SLC12A8: variants seen among roughly 807,000 people sequenced by gnomAD.
SLC12A8 encodes cation-chloride cotransporter 9.
SLC12A8 carries 69 observed loss-of-function variants against 75.6 expected under a neutral mutation model. That is an observed-to-expected ratio of 0.91 (90% CI 0.75 to 1.11). The LOEUF (loss-of-function observed/expected upper bound fraction) is 1.11. SLC12A8 is among the 50% of genes most tolerant of loss of function. The pLI is 0.00. For missense variants in SLC12A8, 877 were observed against 896.7 expected, an observed-to-expected ratio of 0.98 and a Z score of 0.28; for synonymous variants, 365 against 372.8, an observed-to-expected ratio of 0.98 and a Z score of 0.24.
intron 5 of SLC12A8, among the ~76,000 whole-genome samples, chr3:125,137,107 C>A (rs1174637773): frequency 6.6e-6 from 1 of 152,164 alleles, no homozygotes; most frequent in African/African-American, 2.4e-5. Flanking sequence ...TCCACCCGCT[C>A]GGAGCTTAAT....
At chr3:125,110,356 T>C (rs1223781436) in intron 8 of SLC12A8, 21 bp from the exon 9 acceptor site, 1 of 1,606,804 alleles carries the variant, frequency 6.2e-7, no homozygotes, top group Admixed American at 1.7e-5. Flanking sequence ...AGCGGTTTCA[T>C]TCGCCAGTGC....
chr3:125,177,160 T>C (rs1934550941), intron 5 of SLC12A8, among the ~76,000 whole-genome samples: 1 of 151,628 alleles, frequency 6.6e-6, no homozygotes, highest in African/African-American at 2.4e-5. Context: ...AAAGGATGAG[T>C]TCATGTCCTT....
intron 2 of SLC12A8, among the ~76,000 whole-genome samples, chr3:125,198,723 G>A (rs1935055177): frequency 6.6e-6 from 1 of 152,056 alleles, no homozygotes; most frequent in Admixed American, 6.6e-5. Context: ...GAAGCTGGGG[G>A]ATGTTAGTGG....
intron 6 of SLC12A8, among the ~76,000 whole-genome samples, chr3:125,123,374 A>G (rs1043593438): frequency 1.4e-5 from 2 of 147,120 alleles, no homozygotes; most frequent in Admixed American, 6.8e-5. Flanking sequence ...ATCTCAGGAA[A>G]AAAAAAAAAA....
intron 8 of SLC12A8, among the ~76,000 whole-genome samples, chr3:125,111,993 T>A (rs1379914370): frequency 2.6e-5 from 4 of 152,266 alleles, no homozygotes; most frequent in Non-Finnish European, 1.5e-5. Flanking sequence ...GCTCTTTATC[T>A]TTACTTCATT....
chr3:125,093,048 C>T (rs1428214064), intron 10 of SLC12A8, among the ~76,000 whole-genome samples: 3 of 152,138 alleles, frequency 2.0e-5, no homozygotes, highest in African/African-American at 7.2e-5. Flanking sequence ...AATGTGTACA[C>T]ATTATTTAGC....
chr3:125,176,635 A>G (rs1934534423), intron 5 of SLC12A8, among the ~76,000 whole-genome samples: 1 of 152,212 alleles, frequency 6.6e-6, no homozygotes, highest in Non-Finnish European at 1.5e-5. Context: ...CAAGAAAAAA[A>G]CAAACAACCC....
In SLC12A8 at chr3:125,099,248, C is replaced by T. The variant is rs552434558; in HGVS notation, c.1706-7050G>A. On this transcript the variant is annotated intron_variant, in intron 10 of 13. Coordinates refer to ENST00000469902, the MANE Select transcript of SLC12A8 (RefSeq NM_024628.6). ...CACATAAGAATAAAAAGCTGACTAACGATATCAGCAGCCACACACCACGGG... is the reference window on the plus strand; with the variant it reads ...CACATAAGAATAAAAAGCTGACTAATGATATCAGCAGCCACACACCACGGG... Among the ~76,000 whole-genome samples, 6 of 152,308 alleles carry T rather than the reference C, an allele frequency of 3.9e-5. No individual in the cohort carries two copies. In the East Asian group the frequency reaches 9.6e-4, roughly 24 times the overall value.
intron 5 of SLC12A8, among the ~76,000 whole-genome samples, chr3:125,145,304 G>A (rs890414241): frequency 2.6e-5 from 4 of 152,174 alleles, no homozygotes; most frequent in African/African-American, 4.8e-5. Context: ...CAGGCACCAC[G>A]CTCTCTTATT....
intron 6 of SLC12A8, among the ~76,000 whole-genome samples, chr3:125,133,307 A>G (rs1458966025): frequency 6.6e-6 from 1 of 152,138 alleles, no homozygotes; most frequent in Non-Finnish European, 1.5e-5. Context: ...GCTTTGCTAT[A>G]TGAATATACC....
intron 13 of SLC12A8, among the ~76,000 whole-genome samples, chr3:125,085,602 G>T (rs1043146746): frequency 1.3e-5 from 2 of 152,180 alleles, no homozygotes; most frequent in African/African-American, 4.8e-5. Flanking sequence ...ATTTGAGACA[G>T]AGTCTCATTC....
intron 9 of SLC12A8, among the ~76,000 whole-genome samples, chr3:125,109,247 G>T (rs192566136): frequency 1.3e-5 from 2 of 152,112 alleles, no homozygotes; most frequent in East Asian, 1.9e-4. Context: ...CCCTCCCTTG[G>T]TGAGCTCAAC....
chr3:125,099,762 C>T (rs1938818124), intron 10 of SLC12A8, among the ~76,000 whole-genome samples: 1 of 152,086 alleles, frequency 6.6e-6, no homozygotes, highest in Non-Finnish European at 1.5e-5. Flanking sequence ...AACCCCATCT[C>T]TACTAAAAAT....
At chr3:125,164,678 G>T (rs1326432709) in intron 5 of SLC12A8, among the ~76,000 whole-genome samples, 3 of 152,252 alleles carry the variant, frequency 2.0e-5, no homozygotes, top group African/African-American at 7.2e-5. Context: ...ACTTGGCCTG[G>T]ATTGCCTTGG....
At chr3:125,138,733 T>G (rs1933554405) in intron 5 of SLC12A8, among the ~76,000 whole-genome samples, 1 of 151,982 alleles carries the variant, frequency 6.6e-6, no homozygotes, top group Admixed American at 6.6e-5. Flanking sequence ...AAGGGCTGAG[T>G]GCAGTGGCTC....
intron 6 of SLC12A8, among the ~76,000 whole-genome samples, chr3:125,129,538 C>G (rs964641380): frequency 6.6e-5 from 10 of 152,146 alleles, no homozygotes; most frequent in Non-Finnish European, 1.2e-4. Context: ...AGCCGCTCTT[C>G]CCAGGAAGCT....
At chr3:125,118,016 G>A (rs567844630) in intron 8 of SLC12A8, among the ~76,000 whole-genome samples, 12 of 152,356 alleles carry the variant, frequency 7.9e-5, no homozygotes, top group Admixed American at 5.9e-4. Context: ...CTGGGCTTCC[G>A]CCCGCTCCCT....
intron 5 of SLC12A8, among the ~76,000 whole-genome samples, chr3:125,173,474 A>C (rs904611546): frequency 1.3e-5 from 2 of 150,990 alleles, no homozygotes; most frequent in Non-Finnish European, 3.0e-5. Flanking sequence ...AAAAAAAAAA[A>C]ACCAAAATAA....
At chr3:125,100,982 C>T (rs896059178) in intron 10 of SLC12A8, among the ~76,000 whole-genome samples, 5 of 135,636 alleles carry the variant, frequency 3.7e-5, no homozygotes, top group African/African-American at 1.1e-4. Flanking sequence ...CACTGCAGTC[C>T]GCAGTCCGGC....
Sources: gnomAD v4.1 joint callset for allele counts (sites outside exome capture counted in the v4.1 genomes callset) on GRCh38, gnomAD v4.1.1 for gene constraint, MANE v1.5 for transcripts, NCBI Gene and HGNC (gene_info 2026-07-23, HGNC 2026-07-21) for gene names.